The following AAK1 variants were observed in gnomAD, a reference collection of about 807,000 sequenced individuals.
AAK1 encodes AP2 associated kinase 1, also known as AP2-associated protein kinase 1.
A neutral mutation model predicts 116.0 loss-of-function variants in AAK1; 37 were observed. The ratio of observed to expected loss-of-function variants is 0.32; its 90% CI spans 0.25 to 0.42. AAK1 has a LOEUF of 0.42. Among genes scored for constraint, AAK1 ranks in the 10% least tolerant of loss-of-function variants. The probability of loss-of-function intolerance (pLI) is 1.00; values close to 1 mark genes in which losing one functional copy is unlikely to be tolerated. For missense variants in AAK1, 919 were observed against 1,170.6 expected (o/e 0.79, Z 3.14); for synonymous variants, 458 against 439.9 (o/e 1.04, Z -0.51).
intron 2 of AAK1, 113 bp downstream of exon 2, chr2:69,642,765 G>C (rs1675798842): frequency 7.1e-7 from 1 of 1,411,382 alleles, no homozygotes; most frequent in Non-Finnish European, 9.8e-7. Flanking sequence ...CAAGTGAAGG[G>C]GGAAGGGAGG....
At chr2:69,538,038 C>T (rs1670550434) in intron 5 of AAK1, among the ~76,000 whole-genome samples, 1 of 152,242 alleles carries the variant, frequency 6.6e-6, no homozygotes, top group African/African-American at 2.4e-5. Flanking sequence ...CTCTCCTTAT[C>T]TGCAGGTTTC....
chr2:69,642,874 G>A lies in AAK1; in HGVS notation c.163+4C>T, dbSNP rs1251517359. 3.1e-6 allele frequency: 5 copies of A among 1,613,740 alleles called. No homozygotes were observed. Among genetic ancestry groups the A allele is most frequent in the Non-Finnish European group, 3.4e-6 (4 of 1,179,856 alleles). ...AATTTACGGCGCATTGAGCCCCACCGTACCTTCCGCCAACACCTCGTCCAC... is the reference window on the plus strand; with the variant it reads ...AATTTACGGCGCATTGAGCCCCACCATACCTTCCGCCAACACCTCGTCCAC... On this transcript the variant is annotated splice_donor_region_variant and intron_variant, in intron 2 of 21. Transcript: ENST00000409085.
At chr2:69,603,281 G>A (rs1208046457) in intron 2 of AAK1, among the ~76,000 whole-genome samples, 1 of 152,140 alleles carries the variant, frequency 6.6e-6, no homozygotes, top group African/African-American at 2.4e-5. Context: ...GTAGAATAGA[G>A]TTTCCTCACA....
At chr2:69,574,377 CAAA>C (rs58486434) in intron 2 of AAK1, among the ~76,000 whole-genome samples, 28 of 74,892 alleles carry the variant, frequency 3.7e-4, no homozygotes, top group African/African-American at 1.0e-3. Flanking sequence ...GACTCCCTCT[CAAA>C]AAAAAAAAAA....
chr2:69,613,754 CTAGGTAGCTCT>C (rs1037523399), intron 2 of AAK1, among the ~76,000 whole-genome samples: 55 of 152,250 alleles, frequency 3.6e-4, no homozygotes, highest in Admixed American at 1.3e-3. Flanking sequence ...ATCCCTTGTC[CTAGGTAGCTCT>C]TACCTGGTTG....
At chr2:69,614,380 C>T (rs1457181327) in intron 2 of AAK1, among the ~76,000 whole-genome samples, 3 of 152,104 alleles carry the variant, frequency 2.0e-5, no homozygotes, top group Non-Finnish European at 4.4e-5. Context: ...GTCTAGTAAA[C>T]TCTCTCTCAT....
At chr2:69,531,605 A>G in intron 6 of AAK1, 1 of 988,420 alleles carries the variant, frequency 1.0e-6, no homozygotes, top group Non-Finnish European at 1.2e-6. Context: ...ACTCACCATT[A>G]TTTCCACTTA....
At chr2:69,582,798 C>A (rs1172182265) in intron 2 of AAK1, among the ~76,000 whole-genome samples, 1 of 152,254 alleles carries the variant, frequency 6.6e-6, no homozygotes, top group South Asian at 2.1e-4. Flanking sequence ...ATTTTCTGTT[C>A]CAAAGTCATT....
chr2:69,505,492 A>T, intron 16 of AAK1, 77 bp downstream of exon 16: 1 of 1,104,914 alleles, frequency 9.1e-7, no homozygotes, highest in Non-Finnish European at 1.3e-6. Flanking sequence ...CTGGCATGCT[A>T]GAGTTATCTG....
intron 4 of AAK1, 143 bp downstream of exon 4, chr2:69,544,293 C>T: frequency 1.6e-6 from 1 of 624,022 alleles, no homozygotes; most frequent in Non-Finnish European, 2.8e-6. Context: ...GAGTTGACAG[C>T]AGACTGTATC....
intron 2 of AAK1, among the ~76,000 whole-genome samples, chr2:69,633,599 CAAAA>C (rs3075922): frequency 2.6e-4 from 30 of 114,270 alleles, no homozygotes; most frequent in African/African-American, 6.2e-4. Context: ...GACGCTGTCT[CAAAA>C]AAAAAAAAAA....
In AAK1 at chr2:69,466,259, C is replaced by CGG; in HGVS notation, c.*9608_*9609dup. The CGG allele has an allele frequency of 7.8e-7, 1 of 1,288,928 alleles. No individual in the cohort carries two copies. Among genetic ancestry groups the CGG allele is most frequent in the Non-Finnish European group, 1.0e-6 (1 of 988,490 alleles). The allele number at this position is 1,288,928 out of a possible 1,614,324, so 79.8% of individuals were successfully genotyped here. A position where few individuals can be genotyped will look rare whatever the true frequency, so the allele number is the denominator to read the frequency against. On this transcript the variant is annotated 3_prime_UTR_variant, in exon 22 of 22. Coordinates refer to ENST00000409085, the MANE Select transcript of AAK1 (RefSeq NM_014911.5). ...ATGGAACGGCTCCTCCCAGCTTCCCCGGGGGGGGTCTGCAGCTCTCATCTT... is the reference window on the plus strand; with the variant it reads ...ATGGAACGGCTCCTCCCAGCTTCCCCGGGGGGGGGGTCTGCAGCTCTCATCTT...
intron 2 of AAK1, among the ~76,000 whole-genome samples, chr2:69,607,137 T>TG (rs1325838339): frequency 6.6e-6 from 1 of 150,672 alleles, no homozygotes; most frequent in Admixed American, 6.6e-5. Context: ...GAGTGTTATG[T>TG]GGGGGAAGAG....
At position 69,469,843 on chromosome 2, in the gene AAK1, T is replaced by C. The variant is rs978639778; in HGVS notation, c.*6026A>G. 1.0e-6 allele frequency: 1 copy of C among 985,358 alleles called. No individual in the cohort carries two copies. The highest frequency in any genetic ancestry group is 1.7e-5 in the African/African-American group (1 of 57,262). 61.0% of individuals were successfully genotyped at this position (985,358 alleles called of 1,614,324 possible). A position where few individuals can be genotyped will look rare whatever the true frequency, so the allele number is the denominator to read the frequency against. On this transcript the variant is annotated 3_prime_UTR_variant, in exon 22 of 22. Transcript: ENST00000409085. ...TGTGCCAGGTTAGGCACGTTGACAC[T>C]TTCAATATGGGTAACTCCATATTAG...
At chr2:69,508,174 A>C (rs535822985) in intron 14 of AAK1, among the ~76,000 whole-genome samples, 1 of 152,322 alleles carries the variant, frequency 6.6e-6, no homozygotes, top group African/African-American at 2.4e-5. Context: ...GTTTCAGTTC[A>C]GGATCTAAAA....
intron 16 of AAK1, among the ~76,000 whole-genome samples, chr2:69,500,684 TATATATATATATATAC>T (rs1231331567): frequency 9.2e-6 from 1 of 109,044 alleles, no homozygotes; most frequent in Admixed American, 9.7e-5. Context: ...TATATATATA[TATATATATATATATAC>T]ACACACACAC....
In AAK1 at chr2:69,599,060, G is replaced by C. The variant is rs145742972; in HGVS notation, c.164-42082C>G. 6.0e-3 allele frequency: 1,265 copies of C among 212,040 alleles called. 22 individuals carry two copies. Among genetic ancestry groups the C allele is most frequent in the East Asian group, 0.011 (73 of 6,508 alleles). The allele number at this position is 212,040 out of a possible 1,614,324, so 13.1% of individuals were successfully genotyped here. ...TCCGTGTGCTAGCTTACACTGAACT[G>C]AAGCTCATGAAGAACACACAGACTA... On this transcript the variant is annotated intron_variant, in intron 2 of 21. Transcript: ENST00000409085.
Position 69,471,974 on chromosome 2 carries a change from C to T in AAK1, c.*3895G>A, listed in dbSNP as rs1447513077. The T allele has an allele frequency of 1.0e-6, 1 of 985,126 alleles. No homozygotes were observed. Among genetic ancestry groups the T allele is most frequent in the Non-Finnish European group, 1.2e-6 (1 of 829,804 alleles). The allele number at this position is 985,126 out of a possible 1,614,324, so 61.0% of individuals were successfully genotyped here. On this transcript the variant is annotated 3_prime_UTR_variant, in exon 22 of 22. Coordinates refer to ENST00000409085, the MANE Select transcript of AAK1 (RefSeq NM_014911.5). ...TGTTTTTCCACAAGTATTAGCAATC[C>T]AAGTTGTGTAATTCTAATTCAGGAA...
At chr2:69,518,827 T>C in intron 12 of AAK1, 127 bp downstream of exon 12, 1 of 1,339,648 alleles carries the variant, frequency 7.5e-7, no homozygotes, top group Non-Finnish European at 9.9e-7. Context: ...AATGCTTTAG[T>C]ATCTACATCT....
Sources: gnomAD v4.1 joint callset for allele counts (sites outside exome capture counted in the v4.1 genomes callset) on GRCh38, gnomAD v4.1.1 for gene constraint, MANE v1.5 for transcripts, NCBI Gene and HGNC (gene_info 2026-07-23, HGNC 2026-07-21) for gene names.